Variants in PDS5A observed in about 807,000 individuals in gnomAD.
PDS5A encodes the protein sister chromatid cohesion protein PDS5 homolog A.
In PDS5A, 42 loss-of-function variants were observed where a neutral mutation model predicts 167.1. The observed-to-expected ratio is 0.25, with a 90% confidence interval of 0.20 to 0.33. The LOEUF (loss-of-function observed/expected upper bound fraction) is 0.33. PDS5A is among the 10% of genes least tolerant of loss of function. PDS5A has a pLI of 1.00. For missense variants in PDS5A, 1,033 were observed against 1,605.9 expected, an observed-to-expected ratio of 0.64 and a Z score of 6.10; for synonymous variants, 553 against 554.6, an observed-to-expected ratio of 1.00 and a Z score of 0.04.
chr4:39,956,604 T>C (rs1728947105), intron 2 of PDS5A, among the ~76,000 whole-genome samples: 1 of 152,020 alleles, frequency 6.6e-6, no homozygotes, highest in Non-Finnish European at 1.5e-5. Context: ...TTTTATTTTA[T>C]TACTACCTGG....
intron 2 of PDS5A, among the ~76,000 whole-genome samples, chr4:39,952,448 A>C (rs1185709784): frequency 6.6e-6 from 1 of 152,230 alleles, no homozygotes; most frequent in Non-Finnish European, 1.5e-5. Context: ...CAAGTATAAA[A>C]TTAAAATTTT....
intron 27 of PDS5A, 81 bp downstream of exon 27, chr4:39,849,438 CA>C (rs33909953): frequency 0.049 from 23,374 of 475,602 alleles, 2 homozygotes; most frequent in Middle Eastern, 0.075. Context: ...TACGTATGGC[CA>C]AAAAAAAAAA....
intron 28 of PDS5A, chr4:39,848,547 AT>A: frequency 3.2e-6 from 1 of 312,914 alleles, no homozygotes; most frequent in Non-Finnish European, 6.0e-6. Flanking sequence ...AAGATTTAAA[AT>A]TTTTCTTATC....
chr4:39,867,056 A>G, intron 22 of PDS5A, 59 bp from the exon 23 acceptor site: 1 of 1,302,866 alleles, frequency 7.7e-7, no homozygotes, highest in Admixed American at 2.3e-5. Flanking sequence ...TTAAAGGGAA[A>G]ATTAATTTAA....
chr4:39,950,871 G>A (rs1728286139), intron 2 of PDS5A, among the ~76,000 whole-genome samples: 1 of 152,124 alleles, frequency 6.6e-6, no homozygotes, highest in Admixed American at 6.6e-5. Flanking sequence ...TACTACAGGT[G>A]GGAGCCACTA....
chr4:39,860,004 T>G (rs1337577717), intron 26 of PDS5A, among the ~76,000 whole-genome samples: 1 of 151,354 alleles, frequency 6.6e-6, no homozygotes, highest in Non-Finnish European at 1.5e-5. Context: ...GAGACCAAGG[T>G]GGGAGGATTG....
chr4:39,857,283 C>T (rs1188164414), intron 26 of PDS5A, among the ~76,000 whole-genome samples: 3 of 148,008 alleles, frequency 2.0e-5, no homozygotes, highest in Middle Eastern at 3.5e-3. Context: ...ACCCGGGAGG[C>T]GGAGCTTGCA....
intron 3 of PDS5A, among the ~76,000 whole-genome samples, chr4:39,927,161 C>CT (rs1214973722): frequency 1.3e-5 from 2 of 152,230 alleles, no homozygotes; most frequent in African/African-American, 4.8e-5. Flanking sequence ...ACTTTACTCA[C>CT]TATCTCCACC....
chr4:39,899,391 C>T (rs1237695736), intron 14 of PDS5A, among the ~76,000 whole-genome samples: 1 of 152,098 alleles, frequency 6.6e-6, no homozygotes, highest in East Asian at 1.9e-4. Context: ...GAAAACTATG[C>T]CCCCATGAGC....
intron 16 of PDS5A, among the ~76,000 whole-genome samples, chr4:39,894,539 T>C (rs1459899518): frequency 6.6e-6 from 1 of 152,210 alleles, no homozygotes; most frequent in African/African-American, 2.4e-5. Context: ...TTCCCTAAAT[T>C]GGTTTTCCTC....
chr4:39,826,702 G>T (rs1006014752), intron 32 of PDS5A, among the ~76,000 whole-genome samples: 1 of 151,990 alleles, frequency 6.6e-6, no homozygotes. Flanking sequence ...GGTCAGGATG[G>T]TCTTGAACTC....
intron 21 of PDS5A, 145 bp from the exon 22 acceptor site, chr4:39,869,607 G>T: frequency 1.6e-6 from 1 of 639,334 alleles, no homozygotes; most frequent in Non-Finnish European, 2.8e-6. Context: ...GACAAAGTTA[G>T]AAGACTCATA....
At chr4:39,849,257 T>G (rs1465988960) in intron 27 of PDS5A, among the ~76,000 whole-genome samples, 1 of 152,174 alleles carries the variant, frequency 6.6e-6, no homozygotes, top group Non-Finnish European at 1.5e-5. Context: ...TAACTCTTAC[T>G]GTAAGTTCGT....
At chr4:39,865,617 C>A (rs1719373105) in intron 23 of PDS5A, among the ~76,000 whole-genome samples, 2 of 152,228 alleles carry the variant, frequency 1.3e-5, no homozygotes, top group Admixed American at 6.5e-5. Flanking sequence ...CCTCCACCTC[C>A]TGGGTTCAAG....
intron 2 of PDS5A, chr4:39,973,536 A>C: frequency 7.5e-7 from 1 of 1,327,138 alleles, no homozygotes; most frequent in Middle Eastern, 1.8e-4. Context: ...CATTTGGTAC[A>C]ATCACTAGTG....
At chr4:39,962,418 T>C (rs1287585730) in intron 2 of PDS5A, among the ~76,000 whole-genome samples, 1 of 152,212 alleles carries the variant, frequency 6.6e-6, no homozygotes, top group East Asian at 1.9e-4. Flanking sequence ...ATGACACTTA[T>C]GTTTAATTAT....
At chr4:39,949,667 A>C (rs1030451899) in intron 2 of PDS5A, among the ~76,000 whole-genome samples, 7 of 151,406 alleles carry the variant, frequency 4.6e-5, no homozygotes, top group Non-Finnish European at 1.0e-4. Flanking sequence ...CCATCTCTAA[A>C]AAAAAAAGTT....
At chr4:39,942,449 C>T (rs1727311093) in intron 2 of PDS5A, among the ~76,000 whole-genome samples, 3 of 152,106 alleles carry the variant, frequency 2.0e-5, no homozygotes, top group Non-Finnish European at 4.4e-5. Context: ...AATGTTTTTG[C>T]CCAAATTCCA....
At chr4:39,840,056 T>G (rs562031029) in intron 31 of PDS5A, among the ~76,000 whole-genome samples, 1 of 151,838 alleles carries the variant, frequency 6.6e-6, no homozygotes, top group South Asian at 2.1e-4. Context: ...ATTGTGCCAC[T>G]GCACTCCAGC....
Sources: allele counts gnomAD v4.1 joint callset (sites outside exome capture counted in the v4.1 genomes callset), GRCh38; gene constraint gnomAD v4.1.1; transcripts MANE v1.5; gene names NCBI Gene and HGNC (gene_info 2026-07-23, HGNC 2026-07-21).